Variants in RIN2 observed in about 807,000 individuals in gnomAD.
RIN2 encodes the protein Ras and Rab interactor 2, also known as RAB5 interacting protein 2.
RIN2 carries 36 observed loss-of-function variants against 78.0 expected under a neutral mutation model. That is an observed-to-expected ratio of 0.46 (90% CI 0.35 to 0.61). The LOEUF is 0.61. RIN2 is among the 20% of genes least tolerant of loss of function. The probability of loss-of-function intolerance (pLI) is 0.00; values close to 1 mark genes in which losing one functional copy is unlikely to be tolerated. For missense variants in RIN2, 1,087 were observed against 1,159.7 expected (o/e 0.94, Z 0.91); for synonymous variants, 466 against 466.8 (o/e 1.00, Z 0.02).
At chr20:19,905,906 GT>G (rs1392206479) in intron 3 of RIN2, among the ~76,000 whole-genome samples, 1 of 152,200 alleles carries the variant, frequency 6.6e-6, no homozygotes, top group East Asian at 1.9e-4. Context: ...TGTAGAGAAA[GT>G]TTGCTGACCA....
chr20:19,787,610 G>A (rs2034725757), intron 1 of RIN2, among the ~76,000 whole-genome samples: 1 of 152,082 alleles, frequency 6.6e-6, no homozygotes, highest in South Asian at 2.1e-4. Flanking sequence ...TATCTCTCAT[G>A]CCTTTGTTGC....
chr20:19,857,938 C>A (rs2037215641), intron 2 of RIN2, among the ~76,000 whole-genome samples: 1 of 152,056 alleles, frequency 6.6e-6, no homozygotes, highest in Non-Finnish European at 1.5e-5. Context: ...GCCTTTTGTT[C>A]TTTTGAAAAT....
chr20:20,001,044 T>A lies in RIN2; in HGVS notation c.*108T>A. 9.3e-7 allele frequency: 1 copy of A among 1,078,394 alleles called. No individual in the cohort carries two copies. Among genetic ancestry groups the A allele is most frequent in the Non-Finnish European group, 1.3e-6 (1 of 763,888 alleles). The allele number at this position is 1,078,394 out of a possible 1,614,324, so 66.8% of individuals were successfully genotyped here. On this transcript the variant is annotated 3_prime_UTR_variant, in exon 13 of 13. Coordinates refer to ENST00000255006, the MANE Select transcript of RIN2 (RefSeq NM_018993.4). ...AAGCAGTCACCTCCTCGGGGACCCC[T>A]CAGTGTAGTGACTAAGCCATCCACA... is the stretch of plus-strand genomic sequence containing the variant.
At chr20:19,761,933 G>A (rs2033658589) in intron 1 of RIN2, among the ~76,000 whole-genome samples, 2 of 152,084 alleles carry the variant, frequency 1.3e-5, no homozygotes, top group South Asian at 4.2e-4. Flanking sequence ...GCAACTTCAG[G>A]GTTCTTGTCC....
intron 9 of RIN2, among the ~76,000 whole-genome samples, chr20:19,983,119 G>C (rs1376698198): frequency 6.6e-6 from 1 of 152,230 alleles, no homozygotes; most frequent in Non-Finnish European, 1.5e-5. Context: ...TTTAGTCAAA[G>C]AATTGTTTAA....
At chr20:19,798,059 G>A (rs973291151) in intron 1 of RIN2, among the ~76,000 whole-genome samples, 2 of 151,482 alleles carry the variant, frequency 1.3e-5, no homozygotes, top group African/African-American at 2.4e-5. Flanking sequence ...CACTGTGTTA[G>A]CCAGGATGGC....
intron 10 of RIN2, 31 bp downstream of exon 10, chr20:19,990,342 C>T (rs772453624): frequency 3.8e-6 from 6 of 1,580,834 alleles, no homozygotes; most frequent in Admixed American, 3.4e-5. Flanking sequence ...GGCTTCGTGC[C>T]GCTTCCCTTC....
intron 1 of RIN2, among the ~76,000 whole-genome samples, chr20:19,784,537 A>C (rs1392648486): frequency 1.3e-5 from 2 of 152,154 alleles, no homozygotes; most frequent in Admixed American, 1.3e-4. Context: ...CCTGCATCCA[A>C]ATCTCTTACC....
chr20:19,766,920 A>G (rs2033909287), intron 1 of RIN2, among the ~76,000 whole-genome samples: 1 of 151,864 alleles, frequency 6.6e-6, no homozygotes, highest in Non-Finnish European at 1.5e-5. Flanking sequence ...TCAGAAAAAA[A>G]AAAAAAAGAA....
At chr20:19,821,678 G>C (rs2122902981) in intron 2 of RIN2, among the ~76,000 whole-genome samples, 1 of 149,156 alleles carries the variant, frequency 6.7e-6, no homozygotes, top group Admixed American at 6.6e-5. Context: ...CTCTCTCTCT[G>C]CCTGGAATCC....
chr20:19,904,844 C>A (rs1204507222), intron 3 of RIN2, among the ~76,000 whole-genome samples: 1 of 152,218 alleles, frequency 6.6e-6, no homozygotes, highest in African/African-American at 2.4e-5. Context: ...TTAAAATCTT[C>A]CCTGGAGTCA....
chr20:19,819,816 G>A (rs1048642992), intron 2 of RIN2, among the ~76,000 whole-genome samples: 5 of 152,186 alleles, frequency 3.3e-5, no homozygotes, highest in Admixed American at 2.6e-4. Flanking sequence ...TTACAGGCAT[G>A]AGCCACCACA....
intron 2 of RIN2, among the ~76,000 whole-genome samples, chr20:19,839,147 T>G (rs1689454710): frequency 6.6e-6 from 1 of 152,200 alleles, no homozygotes; most frequent in African/African-American, 2.4e-5. Context: ...CCTGTCAGCT[T>G]TAACCTTTGC....
At chr20:19,788,427 T>A (rs1285639041) in intron 1 of RIN2, among the ~76,000 whole-genome samples, 3 of 63,676 alleles carry the variant, frequency 4.7e-5, no homozygotes, top group Non-Finnish European at 7.9e-5. Context: ...AAATCCTGTC[T>A]CTGCCAAAAA....
At chr20:19,766,350 T>G (rs1466504679) in intron 1 of RIN2, among the ~76,000 whole-genome samples, 1 of 152,170 alleles carries the variant, frequency 6.6e-6, no homozygotes, top group African/African-American at 2.4e-5. Flanking sequence ...AGTATCAGCT[T>G]AGGCACTCTC....
intron 4 of RIN2, among the ~76,000 whole-genome samples, chr20:19,953,227 C>T (rs2146218222): frequency 6.6e-6 from 1 of 152,232 alleles, no homozygotes; most frequent in Non-Finnish European, 1.5e-5. Context: ...CAACCTCCAC[C>T]TCCCATGTTC....
At chr20:19,945,708 C>A (rs2041063111) in intron 4 of RIN2, among the ~76,000 whole-genome samples, 1 of 151,966 alleles carries the variant, frequency 6.6e-6, no homozygotes, top group Non-Finnish European at 1.5e-5. Context: ...ATGTAGACTG[C>A]AGGAACATCA....
In RIN2 at chr20:19,975,634, G is replaced by C. The variant is rs374326201; in HGVS notation, c.1609G>C (p.Val537Leu). Residue 537 changes from valine (V) to leucine (L), a missense_variant, in exon 9 of 13, where the codon GTG becomes CTG. By Grantham distance (32) the Val-to-Leu change is conservative. Transcript: ENST00000255006. The surrounding 1 kb of genome is among the most constrained non-coding windows in gnomAD (Gnocchi z 4.9). Reference sequence around the variant, plus strand: ...CTTCGGGTGCTTAGTGCAGGACTACGTGAGCTTCCTGCAGGAGAACAAGGA... The same window carrying C: ...CTTCGGGTGCTTAGTGCAGGACTACCTGAGCTTCCTGCAGGAGAACAAGGA... ...TYFGCLVQDY[V>L]SFLQENKECH... The C allele has an allele frequency of 2.5e-6, 4 of 1,613,870 alleles. No individual in the cohort carries two copies. The highest frequency in any genetic ancestry group is 3.4e-6 in the Non-Finnish European group (4 of 1,179,892).
chr20:19,964,230 C>T (rs939776654), intron 6 of RIN2, among the ~76,000 whole-genome samples: 3 of 150,498 alleles, frequency 2.0e-5, no homozygotes, highest in African/African-American at 7.4e-5. Context: ...AACAACACTC[C>T]AAGTAAATGG....
Sources: allele counts gnomAD v4.1 joint callset (sites outside exome capture counted in the v4.1 genomes callset), GRCh38; gene constraint gnomAD v4.1.1; non-coding constraint Gnocchi (gnomAD v3.1); transcripts MANE v1.5; gene names NCBI Gene and HGNC (gene_info 2026-07-23, HGNC 2026-07-21).